Variants in SYNPR observed in about 807,000 individuals in gnomAD.
SYNPR encodes synaptoporin.
In SYNPR, 23 loss-of-function variants were observed where a neutral mutation model predicts 32.9. The ratio of observed to expected loss-of-function variants is 0.70; its 90% CI spans 0.50 to 0.99. The LOEUF (loss-of-function observed/expected upper bound fraction) is 0.99. Among genes scored for constraint, SYNPR ranks in the 50% least tolerant of loss-of-function variants. The pLI is 0.00. For missense variants in SYNPR, 318 were observed against 349.3 expected, an observed-to-expected ratio of 0.91 and a Z score of 0.71; for synonymous variants, 146 against 135.9, an observed-to-expected ratio of 1.07 and a Z score of -0.52.
chr3:63,440,602 G>A (rs899335711), intron 2 of SYNPR, among the ~76,000 whole-genome samples: 2 of 152,244 alleles, frequency 1.3e-5, no homozygotes, highest in Non-Finnish European at 2.9e-5. Context: ...AAAAAAATAC[G>A]AGGCAGAAAG....
chr3:63,441,438 C>T (rs1043435747), intron 2 of SYNPR, among the ~76,000 whole-genome samples: 9 of 152,156 alleles, frequency 5.9e-5, no homozygotes, highest in Admixed American at 4.6e-4. Flanking sequence ...CCTCTTTGAC[C>T]CTACTCTGAC....
At chr3:63,608,473 A>G (rs1389075054) in intron 4 of SYNPR, among the ~76,000 whole-genome samples, 2 of 152,210 alleles carry the variant, frequency 1.3e-5, no homozygotes, top group African/African-American at 4.8e-5. Flanking sequence ...CCTCTCACCC[A>G]TAGCAGGCAC....
chr3:63,259,255 C>T (rs1310056494), intron 2 of SYNPR, among the ~76,000 whole-genome samples: 7 of 152,126 alleles, frequency 4.6e-5, no homozygotes, highest in Non-Finnish European at 8.8e-5. Flanking sequence ...CAAAGCATGG[C>T]AGAGACTCAA....
chr3:63,390,440 T>A (rs1042244448), intron 2 of SYNPR, among the ~76,000 whole-genome samples: 4 of 152,196 alleles, frequency 2.6e-5, no homozygotes, highest in African/African-American at 9.7e-5. Context: ...CAGAAAGGGA[T>A]CTGAGCTGAC....
chr3:63,407,995 T>C (rs1477899221), intron 2 of SYNPR, among the ~76,000 whole-genome samples: 1 of 151,846 alleles, frequency 6.6e-6, no homozygotes, highest in East Asian at 1.9e-4. Context: ...CGGGCATCTT[T>C]AGAAAACTAG....
intron 2 of SYNPR, among the ~76,000 whole-genome samples, chr3:63,388,725 G>T (rs1456074851): frequency 1.3e-5 from 2 of 152,048 alleles, no homozygotes; most frequent in Non-Finnish European, 2.9e-5. Context: ...ACCACGCCCA[G>T]CCTGGAGTTC....
chr3:63,556,832 G>A (rs571201346), intron 4 of SYNPR, 91 bp downstream of exon 4: 25 of 1,227,696 alleles, frequency 2.0e-5, no homozygotes, highest in African/African-American at 9.2e-5. Context: ...CTGAGCCCTC[G>A]GGTTAGGTGT....
rs1700268187 is a variant in SYNPR at position 63,615,558 on chromosome 3, C to CTTT, written c.*77_*78insTTT. ...TGGCAGAAGAATTTTTTAAGGGTTT[C>CTTT]AATCAATTATTAATGCAGAGAGTAT... On this transcript the variant is annotated 3_prime_UTR_variant, in exon 6 of 6. Transcript: ENST00000478300. 1 of 1,524,206 alleles carries CTTT rather than the reference C, an allele frequency of 6.6e-7. No homozygotes were observed. The highest frequency in any genetic ancestry group is 1.4e-5 in the African/African-American group (1 of 72,270). The allele number at this position is 1,524,206 out of a possible 1,614,324, so 94.4% of individuals were successfully genotyped here.
rs1360351664 is a variant in SYNPR at position 63,248,422 on chromosome 3, CTA to C, written n.67-4076_67-4075del. On this transcript the variant is annotated intron_variant and non_coding_transcript_variant, in intron 1 of 4. Transcript: ENST00000478456. ...TGTTTCTCAGATTTTAAGGTGCCTT[CTA>C]GCTGGAAGACAGTATGCTAATTTGG... Among the ~76,000 whole-genome samples the C allele has an allele frequency of 2.6e-5, 4 of 152,026 alleles. 1 individual carries two copies. The highest frequency in any genetic ancestry group is 2.0e-4 in the Admixed American group (3 of 15,240).
At chr3:63,485,742 G>T (rs1386045129) in intron 3 of SYNPR, among the ~76,000 whole-genome samples, 1 of 152,124 alleles carries the variant, frequency 6.6e-6, no homozygotes, top group Non-Finnish European at 1.5e-5. Flanking sequence ...TGAATGACAT[G>T]ATGATAAATT....
At chr3:63,372,340 C>T (rs2107054558) in intron 2 of SYNPR, among the ~76,000 whole-genome samples, 1 of 152,172 alleles carries the variant, frequency 6.6e-6, no homozygotes, top group Admixed American at 6.5e-5. Context: ...TGAACATTTC[C>T]AGTAGCAATG....
chr3:63,395,507 A>G (rs557878062), intron 2 of SYNPR, among the ~76,000 whole-genome samples: 1 of 152,216 alleles, frequency 6.6e-6, no homozygotes, highest in African/African-American at 2.4e-5. Context: ...CCTGAAACTC[A>G]TAACAATCCT....
chr3:63,509,912 C>G (rs146581238), intron 3 of SYNPR, among the ~76,000 whole-genome samples: 1 of 152,088 alleles, frequency 6.6e-6, no homozygotes, highest in South Asian at 2.1e-4. Context: ...TACTAGTATG[C>G]GAGATAGAAT....
chr3:63,594,056 T>A (rs1420670741), intron 4 of SYNPR, among the ~76,000 whole-genome samples: 2 of 152,206 alleles, frequency 1.3e-5, no homozygotes, highest in African/African-American at 2.4e-5. Flanking sequence ...ACCTCTCTAT[T>A]TACTTAACTT....
At chr3:63,412,895 C>T (rs2088486067) in intron 2 of SYNPR, among the ~76,000 whole-genome samples, 1 of 152,104 alleles carries the variant, frequency 6.6e-6, no homozygotes, top group Admixed American at 6.6e-5. Flanking sequence ...GATAACTCTG[C>T]TGGAGTCGTG....
intron 3 of SYNPR, among the ~76,000 whole-genome samples, chr3:63,488,509 G>C (rs534687334): frequency 1.3e-5 from 2 of 152,280 alleles, no homozygotes; most frequent in East Asian, 3.9e-4. Flanking sequence ...GTAGTGAATT[G>C]TGCAGTGGAA....
At chr3:63,587,608 G>A (rs1295647463) in intron 4 of SYNPR, among the ~76,000 whole-genome samples, 4 of 152,084 alleles carry the variant, frequency 2.6e-5, no homozygotes, top group South Asian at 4.1e-4. Context: ...CCGGGAAGGC[G>A]TTTGCAAAGA....
intron 3 of SYNPR, among the ~76,000 whole-genome samples, chr3:63,550,996 C>T (rs1026415490): frequency 3.3e-5 from 5 of 152,160 alleles, no homozygotes; most frequent in African/African-American, 1.2e-4. Context: ...GAGCTTGGTA[C>T]GTGTTCTTTC....
chr3:63,442,412 A>T (rs1331984004), intron 2 of SYNPR, among the ~76,000 whole-genome samples: 1 of 152,214 alleles, frequency 6.6e-6, no homozygotes, highest in South Asian at 2.1e-4. Context: ...GGAGAGGCAC[A>T]CAGACTTCCT....
Sources: allele counts gnomAD v4.1 joint callset (sites outside exome capture counted in the v4.1 genomes callset), GRCh38; gene constraint gnomAD v4.1.1; transcripts MANE v1.5; gene names NCBI Gene and HGNC (gene_info 2026-07-23, HGNC 2026-07-21).